The following SACS variants were observed in gnomAD, a reference collection of about 807,000 sequenced individuals.
SACS encodes sacsin molecular chaperone, also known as sacsin.
In SACS, 197 loss-of-function variants were observed where a neutral mutation model predicts 348.0. The observed-to-expected ratio is 0.57, with a 90% CI of 0.50 to 0.64. The LOEUF is 0.64. Ranked by LOEUF, SACS falls within the 30% of genes least tolerant of loss-of-function variation. The pLI, the probability that SACS is intolerant of heterozygous loss-of-function variation, is 0.00. For missense variants in SACS, 4,999 were observed against 5,360.8 expected (o/e 0.93, Z 2.11); for synonymous variants, 1,985 against 1,910.6 (o/e 1.04, Z -1.02).
chr13:23,392,570 T>C (rs1244069058), intron 2 of SACS, among the ~76,000 whole-genome samples: 1 of 152,230 alleles, frequency 6.6e-6, no homozygotes, highest in Non-Finnish European at 1.5e-5. Flanking sequence ...TGTCAGATAC[T>C]ATGTGAAGTG....
chr13:23,332,737 G>A lies in SACS; in HGVS notation c.11139C>T (p.Pro3713=), dbSNP rs1282794513. Residue 3713 remains proline, a synonymous_variant, in exon 10 of 10, where the codon CCC becomes CCT. Coordinates refer to ENST00000382292, the MANE Select transcript of SACS (RefSeq NM_014363.6). ...SCPILPEKAT[P]LSIKEQEGSD... is the part of the protein sequence containing the mutation. ...TACCTTCTTGTTCTTTAATGCTTAAGGGTGTAGCTTTCTCTGGAAGAATAG... is the reference window on the plus strand; with the variant it reads ...TACCTTCTTGTTCTTTAATGCTTAAAGGTGTAGCTTTCTCTGGAAGAATAG... The A allele has an allele frequency of 6.2e-7, 1 of 1,614,002 alleles. No homozygotes were observed. Among genetic ancestry groups the A allele is most frequent in the South Asian group, 1.1e-5 (1 of 91,080 alleles).
At chr13:23,350,591 G>C (rs1177831833) in intron 9 of SACS, among the ~76,000 whole-genome samples, 1 of 152,184 alleles carries the variant, frequency 6.6e-6, no homozygotes, top group African/African-American at 2.4e-5. Context: ...TCCATTTTAT[G>C]CAGTAGTACT....
Position 23,332,939 on chromosome 13 carries a change from T to G in SACS, c.10937A>C (p.Lys3646Thr). ...TAAGAATGGTATTAAAGATAGTTCT[T>G]TCAGAAAATTTCCAGATAACAAATC... ...RMDLLSGNFL[K>T]ELSLIPFLCP... Residue 3646 changes from lysine (K) to threonine (T), a missense_variant, in exon 10 of 10, where the codon AAA (lysine) becomes ACA (threonine). Around this residue, in one of 6 missense-constraint regions of SACS, gnomAD observed 831 missense variants for 941.8 expected, o/e 0.88. Coordinates refer to ENST00000382292, the MANE Select transcript of SACS (RefSeq NM_014363.6). The G allele has an allele frequency of 6.2e-7, 1 of 1,613,914 alleles. No homozygotes were observed. The highest frequency in any genetic ancestry group is 8.5e-7 in the Non-Finnish European group (1 of 1,179,918).
intron 2 of SACS, among the ~76,000 whole-genome samples, chr13:23,400,116 A>C (rs1304062978): frequency 6.6e-6 from 1 of 152,208 alleles, no homozygotes; most frequent in Non-Finnish European, 1.5e-5. Flanking sequence ...GAAGGAAGGA[A>C]GGAAAACAAA....
chr13:23,399,310 C>G (rs536900608), intron 2 of SACS, among the ~76,000 whole-genome samples: 1 of 152,066 alleles, frequency 6.6e-6, no homozygotes, highest in East Asian at 1.9e-4. Context: ...TTCCTTGTCC[C>G]TTCTCCTAAG....
chr13:23,372,506 A>G (rs758085327), intron 3 of SACS, among the ~76,000 whole-genome samples: 4 of 152,218 alleles, frequency 2.6e-5, no homozygotes, highest in Non-Finnish European at 5.9e-5. Flanking sequence ...AGAATTGGTT[A>G]GAATTAGCTT....
In SACS at chr13:23,333,630, T is replaced by C; in HGVS notation, c.10246A>G (p.Ile3416Val). The C allele has an allele frequency of 6.2e-7, 1 of 1,613,844 alleles. No homozygotes were observed. The highest frequency in any genetic ancestry group is 1.1e-5 in the South Asian group (1 of 91,076). ...ILKSLPCYKSISGRYVSIGKF... is the reference protein window; with the variant it reads ...ILKSLPCYKSVSGRYVSIGKF... ...CCAATGCTTACATAGCGGCCACTGA[T>C]GGATTTATAGCACGGAAGTGACTTT... Residue 3416 changes from isoleucine (I) to valine (V), a missense_variant, in exon 10 of 10, where the codon ATC (isoleucine) becomes GTC (valine). Physicochemically the swap from Ile to Val is conservative, Grantham distance 29. Around this residue, in one of 6 missense-constraint regions of SACS, gnomAD observed 734 missense variants for 694.0 expected, o/e 1.06. Coordinates refer to ENST00000382292, the MANE Select transcript of SACS (RefSeq NM_014363.6).
In SACS at chr13:23,353,570, A is replaced by G. The variant is rs567227054; in HGVS notation, c.2185+215T>C. ...GTTGACTACACCATCACACCATGACAGGAGAGATTTTTACACTTATCACCT... is the reference window on the plus strand; with the variant it reads ...GTTGACTACACCATCACACCATGACGGGAGAGATTTTTACACTTATCACCT... On this transcript the variant is annotated intron_variant, in intron 9 of 9. Transcript: ENST00000382292. 2.0e-5 allele frequency among the ~76,000 whole-genome samples: 3 copies of G among 152,366 alleles called. No individual in the cohort carries two copies. The South Asian group carries it at 6.2e-4, about 32-fold the overall frequency.
chr13:23,388,099 T>A (rs887922447), intron 2 of SACS, among the ~76,000 whole-genome samples: 1 of 152,058 alleles, frequency 6.6e-6, no homozygotes, highest in African/African-American at 2.4e-5. Context: ...CTACGGGGTA[T>A]CCACCCAAAA....
In SACS at chr13:23,330,515, G is replaced by A; in HGVS notation, c.13361C>T (p.Ala4454Val). ...CCTGGCAGCTGAGAAGTTTGCTCTG[G>A]CTTGTCTTAGCCATCTGCGTGCTTC... is the stretch of plus-strand genomic sequence containing the variant. ...PVEARRWLRQ[A>V]RANFSAARND... The change falls in exon 10 of 10, where the codon GCC becomes GTC. Residue 4454 changes from alanine to valine, a missense_variant. Transcript: ENST00000382292. 6.2e-7 allele frequency: 1 copy of A among 1,614,156 alleles called. No individual in the cohort carries two copies. Among genetic ancestry groups the A allele is most frequent in the Non-Finnish European group, 8.5e-7 (1 of 1,180,018 alleles).
intron 2 of SACS, among the ~76,000 whole-genome samples, chr13:23,384,717 A>C (rs1173621455): frequency 6.6e-6 from 1 of 152,172 alleles, no homozygotes; most frequent in Non-Finnish European, 1.5e-5. Context: ...ACTGTGGAGG[A>C]CCAGAGAATG....
chr13:23,414,856 G>A (rs1873637953), intron 1 of SACS, among the ~76,000 whole-genome samples: 1 of 152,068 alleles, frequency 6.6e-6, no homozygotes, highest in Non-Finnish European at 1.5e-5. Context: ...GACTTACACT[G>A]CTTGGCCAGT....
intron 2 of SACS, among the ~76,000 whole-genome samples, chr13:23,402,320 G>T (rs1232144918): frequency 6.6e-6 from 1 of 152,128 alleles, no homozygotes; most frequent in Non-Finnish European, 1.5e-5. Context: ...TTTTTGTTTG[G>T]AATATTGCTG....
At chr13:23,432,256 T>C (rs1374596992) in intron 1 of SACS, among the ~76,000 whole-genome samples, 1 of 152,194 alleles carries the variant, frequency 6.6e-6, no homozygotes, top group Non-Finnish European at 1.5e-5. Flanking sequence ...ATGTGAAGAA[T>C]AGAAAACACT....
intron 2 of SACS, among the ~76,000 whole-genome samples, chr13:23,407,184 CTTTG>C (rs1486664681): frequency 2.6e-5 from 4 of 152,210 alleles, no homozygotes; most frequent in Non-Finnish European, 4.4e-5. Flanking sequence ...ACCCATGCAT[CTTTG>C]TTTTTCTTTT....
At chr13:23,407,285 A>T (rs533064019) in intron 2 of SACS, among the ~76,000 whole-genome samples, 2 of 151,932 alleles carry the variant, frequency 1.3e-5, no homozygotes, top group African/African-American at 4.8e-5. Flanking sequence ...TGCAAGCTCC[A>T]CCTCCCAGGT....
In SACS at chr13:23,332,646, G is replaced by A; in HGVS notation, c.11230C>T (p.Pro3744Ser). ...LNMLNVNLDP[P>S]LDKVINNCRN... ...CAGTTATTGATTACCTTATCAAGAG[G>A]AGGATCCAGGTTAACATTAAGCATA... Residue 3744 changes from proline (P) to serine (S), a missense_variant, in exon 10 of 10, where the codon CCT becomes TCT. Physicochemically the swap from Pro to Ser is moderately conservative, Grantham distance 74 (BLOSUM62 -1). Around this residue, in one of 6 missense-constraint regions of SACS, gnomAD observed 831 missense variants for 941.8 expected, o/e 0.88. Transcript: ENST00000382292. The A allele has an allele frequency of 6.2e-7, 1 of 1,613,658 alleles. No homozygotes were observed. The highest frequency in any genetic ancestry group is 8.5e-7 in the Non-Finnish European group (1 of 1,179,914).
intron 3 of SACS, among the ~76,000 whole-genome samples, chr13:23,372,437 T>G (rs1871452143): frequency 6.6e-6 from 1 of 152,236 alleles, no homozygotes. Flanking sequence ...CTCTCTCCCT[T>G]GAGTTTCAGT....
rs1216454188 is a variant in SACS at position 23,371,182 on chromosome 13, G to T, written c.172-17C>A. ...GTCAGATAACTGAAAAAAAGCAAAA[G>T]AAAATGTATGAAAAGCAATACAGTC... On this transcript the variant is annotated splice_polypyrimidine_tract_variant and intron_variant, in intron 3 of 9. Transcript: ENST00000382292. 2 of 1,522,812 alleles carry T rather than the reference G, an allele frequency of 1.3e-6. No individual in the cohort carries two copies. The allele number at this position is 1,522,812 out of a possible 1,614,324, so 94.3% of individuals were successfully genotyped here.
Sources: gnomAD v4.1 joint callset for allele counts (sites outside exome capture counted in the v4.1 genomes callset) on GRCh38, gnomAD v4.1.1 for gene constraint, gnomAD v4.1.1 regional missense constraint, MANE v1.5 for transcripts, NCBI Gene and HGNC (gene_info 2026-07-23, HGNC 2026-07-21) for gene names.